NRG1: variants seen among roughly 807,000 people sequenced by gnomAD.
NRG1 encodes the protein pro-neuregulin-1, membrane-bound isoform.
NRG1 carries 18 observed loss-of-function variants against 63.8 expected under a neutral mutation model. That is an observed-to-expected ratio of 0.28 (90% CI 0.19 to 0.42). NRG1 has a LOEUF of 0.42. NRG1 is among the 10% of genes least tolerant of loss of function. NRG1 has a pLI of 1.00. For synonymous variants in NRG1, 302 were observed against 301.3 expected (o/e 1.00, Z -0.02); for missense variants, 762 against 814.7 (o/e 0.94, Z 0.79).
intron 5 of NRG1, among the ~76,000 whole-genome samples, chr8:32,680,079 TTAAAG>T (rs1398940148): frequency 6.6e-6 from 1 of 152,200 alleles, no homozygotes; most frequent in African/African-American, 2.4e-5. Context: ...TAACTATGAA[TTAAAG>T]TAATGAGTTG....
At chr8:32,216,169 T>C (rs1845203691) in intron 1 of NRG1, among the ~76,000 whole-genome samples, 1 of 150,354 alleles carries the variant, frequency 6.7e-6, no homozygotes, top group Non-Finnish European at 1.5e-5. Flanking sequence ...CTAATTATCG[T>C]ATACAGTTAT....
chr8:32,665,055 A>G (rs183213286), intron 5 of NRG1, among the ~76,000 whole-genome samples: 16 of 152,292 alleles, frequency 1.1e-4, no homozygotes, highest in African/African-American at 3.8e-4. Context: ...AGAACTTAAA[A>G]GACATTTTTA....
intron 1 of NRG1, among the ~76,000 whole-genome samples, chr8:32,242,245 G>A (rs1848173147): frequency 1.3e-5 from 2 of 152,122 alleles, no homozygotes; most frequent in African/African-American, 4.8e-5. Context: ...GGAGGCCAAG[G>A]CAGCTGGATC....
At chr8:32,561,909 T>C in intron 1 of NRG1, among the ~76,000 whole-genome samples, 1 of 152,094 alleles carries the variant, frequency 6.6e-6, no homozygotes, top group East Asian at 1.9e-4. Context: ...TTTCCCCACA[T>C]TATAAGATTA....
chr8:32,348,670 T>C (rs1402229994), intron 1 of NRG1, among the ~76,000 whole-genome samples: 3 of 152,202 alleles, frequency 2.0e-5, no homozygotes, highest in African/African-American at 7.2e-5. Context: ...TGTTATAACG[T>C]AGTATAGGTA....
At chr8:32,477,445 G>T (rs1486046044) in intron 1 of NRG1, among the ~76,000 whole-genome samples, 4 of 152,196 alleles carry the variant, frequency 2.6e-5, no homozygotes, top group Non-Finnish European at 5.9e-5. Flanking sequence ...AGTAAAACAG[G>T]CTTGAAACTC....
chr8:32,434,321 G>A (rs1461198977), intron 1 of NRG1, among the ~76,000 whole-genome samples: 2 of 152,058 alleles, frequency 1.3e-5, no homozygotes, highest in Non-Finnish European at 2.9e-5. Flanking sequence ...ATATTTTCAG[G>A]TACTATGCTG....
chr8:32,331,773 G>T (rs1414790969), intron 1 of NRG1, among the ~76,000 whole-genome samples: 1 of 152,110 alleles, frequency 6.6e-6, no homozygotes, highest in Admixed American at 6.6e-5. Context: ...TCAGACCGAT[G>T]CTTAGTAAAA....
At position 32,041,579 on chromosome 8, in the gene NRG1, A is replaced by G. The variant is rs887912023; in HGVS notation, c.37+402148A>G. On this transcript the variant is annotated intron_variant, in intron 1 of 10. Transcript: ENST00000519301. ...CATCAACACAGGCAGGAAGAGCTTC[A>G]CCTGGCAGTGACGGTGACAGCAGCT... 5.3e-5 allele frequency among the ~76,000 whole-genome samples: 8 copies of G among 152,314 alleles called. No individual in the cohort carries two copies. In the South Asian group the frequency reaches 1.7e-3, roughly 32 times the overall value.
intron 1 of NRG1, among the ~76,000 whole-genome samples, chr8:32,289,910 A>T (rs1853990629): frequency 6.6e-6 from 1 of 152,202 alleles, no homozygotes; most frequent in African/African-American, 2.4e-5. Context: ...ATTCACTATT[A>T]TTTTAATAGG....
intron 1 of NRG1, among the ~76,000 whole-genome samples, chr8:32,580,973 G>A (rs1186709901): frequency 1.3e-5 from 2 of 152,096 alleles, no homozygotes; most frequent in African/African-American, 4.8e-5. Context: ...AAAGGATATA[G>A]CTACTTTAAC....
intron 5 of NRG1, among the ~76,000 whole-genome samples, chr8:32,701,753 C>A (rs1477223894): frequency 6.6e-6 from 1 of 151,946 alleles, no homozygotes; most frequent in Non-Finnish European, 1.5e-5. Flanking sequence ...ATGATTTCAC[C>A]CTGATTTATT....
rs1260788806 is a variant in NRG1, at chr8:32,268,457, G to A, written c.38-327371G>A. 3.3e-5 allele frequency among the ~76,000 whole-genome samples: 5 copies of A among 152,198 alleles called. No homozygotes were observed. The East Asian group carries it at 9.6e-4, about 29-fold the overall frequency. Reference sequence around the variant, plus strand: ...CCATGGACACTGTGTCAATAGTGATGATTGATGCTGATTTGTTTTACTCTT... The same window carrying A: ...CCATGGACACTGTGTCAATAGTGATAATTGATGCTGATTTGTTTTACTCTT... On this transcript the variant is annotated intron_variant, in intron 1 of 10. Transcript: ENST00000519301.
chr8:32,165,167 C>T (rs1208618666), intron 1 of NRG1, among the ~76,000 whole-genome samples: 2 of 150,224 alleles, frequency 1.3e-5, no homozygotes, highest in Non-Finnish European at 3.0e-5. Flanking sequence ...GAGACAGTAT[C>T]TCATTCTGTT....
At chr8:31,644,159 A>G (rs572806269) in intron 1 of NRG1, among the ~76,000 whole-genome samples, 1 of 152,342 alleles carries the variant, frequency 6.6e-6, no homozygotes, top group African/African-American at 2.4e-5. Context: ...TAAAAGCTAT[A>G]TTAAGGAAAT....
chr8:31,834,367 G>T (rs527774088), intron 1 of NRG1, among the ~76,000 whole-genome samples: 1 of 151,130 alleles, frequency 6.6e-6, no homozygotes. Context: ...AAGATTAGAC[G>T]AAAGCATAAA....
At chr8:31,653,634 G>A (rs1805126995) in intron 1 of NRG1, among the ~76,000 whole-genome samples, 3 of 152,198 alleles carry the variant, frequency 2.0e-5, no homozygotes, top group East Asian at 3.8e-4. Context: ...ATACCTGTGT[G>A]CAGAGCTGAT....
intron 1 of NRG1, among the ~76,000 whole-genome samples, chr8:32,413,962 A>G (rs949594848): frequency 1.3e-5 from 2 of 151,732 alleles, no homozygotes; most frequent in African/African-American, 4.8e-5. Context: ...GTCCTTTCCA[A>G]GATTAAATGA....
At chr8:32,574,171 TG>T (rs1321214637) in intron 1 of NRG1, among the ~76,000 whole-genome samples, 4 of 152,176 alleles carry the variant, frequency 2.6e-5, no homozygotes, top group Non-Finnish European at 4.4e-5. Flanking sequence ...AGCATAATGC[TG>T]TAACCTCTCA....
Sources: gnomAD v4.1 joint callset for allele counts (sites outside exome capture counted in the v4.1 genomes callset) on GRCh38, gnomAD v4.1.1 for gene constraint, MANE v1.5 for transcripts, NCBI Gene and HGNC (gene_info 2026-07-23, HGNC 2026-07-21) for gene names.